GTF2A2: variants seen among roughly 807,000 people sequenced by gnomAD.
GTF2A2 encodes general transcription factor IIA subunit 2.
A neutral mutation model predicts 14.3 loss-of-function variants in GTF2A2; 9 were observed. The ratio of observed to expected loss-of-function variants is 0.63; its 90% CI spans 0.38 to 1.10. The LOEUF (loss-of-function observed/expected upper bound fraction) is 1.10. GTF2A2 is among the 50% of genes least tolerant of loss of function. The pLI is 0.01. For missense variants in GTF2A2, 90 were observed against 124.6 expected, an observed-to-expected ratio of 0.72 and a Z score of 1.32; for synonymous variants, 56 against 46.0, an observed-to-expected ratio of 1.22 and a Z score of -0.88.
At chr15:59,640,436 C>T (rs1891373464) in intron 4 of GTF2A2, among the ~76,000 whole-genome samples, 1 of 152,208 alleles carries the variant, frequency 6.6e-6, no homozygotes, top group Non-Finnish European at 1.5e-5. Flanking sequence ...ATGACTGAAA[C>T]TGACACTCTA....
chr15:59,645,757 C>T (rs1326691648), intron 3 of GTF2A2, among the ~76,000 whole-genome samples: 9 of 151,964 alleles, frequency 5.9e-5, no homozygotes, highest in Non-Finnish European at 1.3e-4. Context: ...TATTACTGGC[C>T]GGGTGTGGTG....
At chr15:59,643,072 A>ATTTTT (rs398043378) in intron 3 of GTF2A2, among the ~76,000 whole-genome samples, 11 of 64,094 alleles carry the variant, frequency 1.7e-4, no homozygotes, top group Admixed American at 6.3e-4. Flanking sequence ...GGCCTATATA[A>ATTTTT]TTTTTTTTTT....
At chr15:59,651,211 CTT>C (rs1891781937) in intron 2 of GTF2A2, 1 of 150,464 alleles carries the variant, frequency 6.6e-6, no homozygotes, top group Admixed American at 6.6e-5. Context: ...GAGTTTCGCT[CTT>C]GTTCCCCAGG....
chr15:59,638,998 T>TCTACTGGAATTCTC lies in GTF2A2; in HGVS notation c.*120_*133dup. ...GAGGCTACAGAGTTACAAGTTTCTT[T>TCTACTGGAATTCTC]CTACTGGAATTCTCTGGTATAGCAC... On this transcript the variant is annotated 3_prime_UTR_variant, in exon 5 of 5. Transcript: ENST00000396060. 1.6e-6 allele frequency: 1 copy of TCTACTGGAATTCTC among 644,880 alleles called. No individual in the cohort carries two copies. The highest frequency in any genetic ancestry group is 2.8e-5 in the Admixed American group (1 of 35,572). The allele number at this position is 644,880 out of a possible 1,614,324, so 39.9% of individuals were successfully genotyped here.
intron 3 of GTF2A2, among the ~76,000 whole-genome samples, chr15:59,646,376 T>C (rs1476585683): frequency 2.0e-5 from 3 of 152,156 alleles, no homozygotes; most frequent in African/African-American, 7.2e-5. Flanking sequence ...TTTTAAAAAA[T>C]GTGTAGTCTT....
At chr15:59,647,637 G>A (rs1359932544) in intron 3 of GTF2A2, among the ~76,000 whole-genome samples, 1 of 152,038 alleles carries the variant, frequency 6.6e-6, no homozygotes, top group East Asian at 1.9e-4. Flanking sequence ...AGAGTGCAGT[G>A]GCGCGATCTT....
At position 59,641,574 on chromosome 15, in the gene GTF2A2, G is replaced by A. The variant is rs1050427728; in HGVS notation, c.304+562C>T. ...TTTAAAATAATATAATTAGCAAAAA[G>A]GAAATAAACTAATCATGAAACAGAA... is the stretch of plus-strand genomic sequence containing the variant. On this transcript the variant is annotated intron_variant, in intron 4 of 4. Coordinates refer to ENST00000396060, the MANE Select transcript of GTF2A2 (RefSeq NM_004492.3). Among the ~76,000 whole-genome samples, 3 of 150,858 alleles carry A rather than the reference G, an allele frequency of 2.0e-5. No homozygotes were observed. The East Asian group carries it at 5.8e-4, about 29-fold the overall frequency.
At chr15:59,651,959 G>C (rs1891806661) in intron 2 of GTF2A2, 2 of 354,884 alleles carry the variant, frequency 5.6e-6, no homozygotes, top group Admixed American at 8.9e-5. Flanking sequence ...GCTGGGATTA[G>C]AGGCATGAAA....
In GTF2A2 at chr15:59,639,109, T is replaced by TTC; in HGVS notation, c.*22_*23insGA. Reference sequence around the variant, plus strand: ...AAGCAATGAATAACAGAAGATGGTGTAAAAAAGTCATATTTTTTCTATTCA... The same window carrying TTC: ...AAGCAATGAATAACAGAAGATGGTGTTCAAAAAAGTCATATTTTTTCTATTCA... On this transcript the variant is annotated 3_prime_UTR_variant, in exon 5 of 5. Transcript: ENST00000396060. The TTC allele has an allele frequency of 1.5e-6, 2 of 1,342,370 alleles. No homozygotes were observed. The highest frequency in any genetic ancestry group is 2.1e-6 in the Non-Finnish European group (2 of 934,920). 83.2% of individuals were successfully genotyped at this position (1,342,370 alleles called of 1,614,324 possible). A position where few individuals can be genotyped will look rare whatever the true frequency, so the allele number is the denominator to read the frequency against.
intron 3 of GTF2A2, among the ~76,000 whole-genome samples, chr15:59,649,371 T>C (rs1220568354): frequency 6.6e-6 from 1 of 152,210 alleles, no homozygotes; most frequent in African/African-American, 2.4e-5. Context: ...TCAAATTACT[T>C]TAACTCTAGC....
rs1041485965 is a variant in GTF2A2 at position 59,642,884 on chromosome 15, A to G, written c.178-622T>C. Among the ~76,000 whole-genome samples, 4 of 151,980 alleles carry G rather than the reference A, an allele frequency of 2.6e-5. No individual in the cohort carries two copies. The South Asian group carries it at 8.3e-4, about 32-fold the overall frequency. On this transcript the variant is annotated intron_variant, in intron 3 of 4. Transcript: ENST00000396060. ...CAGGTTCAAGAGATTCTCCTACCTC[A>G]GCCTCCCAAGTAGCTGGGACTACAG...
In GTF2A2 at chr15:59,642,932, A is replaced by G. The variant is rs530529143; in HGVS notation, c.178-670T>C. ...CAGGTGCCTGCCACCACGCCCAGCTAGTTTTTTTATTTTTAGCAGAGATGG... is the reference window on the plus strand; with the variant it reads ...CAGGTGCCTGCCACCACGCCCAGCTGGTTTTTTTATTTTTAGCAGAGATGG... On this transcript the variant is annotated intron_variant, in intron 3 of 4. Transcript: ENST00000396060. Among the ~76,000 whole-genome samples, 10 of 151,848 alleles carry G rather than the reference A, an allele frequency of 6.6e-5. No homozygotes were observed. The East Asian group carries it at 1.5e-3, about 24-fold the overall frequency.
At chr15:59,645,558 A>C (rs887390100) in intron 3 of GTF2A2, among the ~76,000 whole-genome samples, 11 of 152,236 alleles carry the variant, frequency 7.2e-5, no homozygotes, top group Non-Finnish European at 1.5e-4. Flanking sequence ...TGATAAATAT[A>C]CTGAAAGTCA....
intron 3 of GTF2A2, among the ~76,000 whole-genome samples, chr15:59,643,458 C>G (rs967253508): frequency 7.2e-5 from 11 of 151,864 alleles, no homozygotes; most frequent in Admixed American, 6.6e-4. Flanking sequence ...CTCAAGCAAT[C>G]CTCCCGCCTC....
At chr15:59,656,004 C>G (rs1326599896) in intron 1 of GTF2A2, among the ~76,000 whole-genome samples, 2 of 152,188 alleles carry the variant, frequency 1.3e-5, no homozygotes, top group African/African-American at 4.8e-5. Context: ...CCTGCTTCTA[C>G]ACTCACCCCT....
At chr15:59,655,374 T>C (rs905683218) in intron 1 of GTF2A2, among the ~76,000 whole-genome samples, 1 of 152,236 alleles carries the variant, frequency 6.6e-6, no homozygotes, top group South Asian at 2.1e-4. Flanking sequence ...TCTAGCACTC[T>C]AAGGAAACAG....
At chr15:59,639,464 ATTTTT>A (rs10643204) in intron 4 of GTF2A2, among the ~76,000 whole-genome samples, 1 of 142,580 alleles carries the variant, frequency 7.0e-6, no homozygotes, top group Non-Finnish European at 1.5e-5. Context: ...ACTGTCCCAA[ATTTTT>A]TTTTTTTTTT....
At chr15:59,652,930 T>C (rs1469973436) in intron 1 of GTF2A2, 4 of 152,170 alleles carry the variant, frequency 2.6e-5, no homozygotes, top group Non-Finnish European at 4.4e-5. Flanking sequence ...TCCAGGTTCT[T>C]TAAGCTAGAC....
chr15:59,643,511 C>G (rs560036272), intron 3 of GTF2A2, among the ~76,000 whole-genome samples: 1 of 151,790 alleles, frequency 6.6e-6, no homozygotes, highest in Non-Finnish European at 1.5e-5. Flanking sequence ...GCCACCATGC[C>G]CAGGACACAT....
Sources: allele counts gnomAD v4.1 joint callset (sites outside exome capture counted in the v4.1 genomes callset), GRCh38; gene constraint gnomAD v4.1.1; transcripts MANE v1.5; gene names NCBI Gene and HGNC (gene_info 2026-07-23, HGNC 2026-07-21).